The following DDAH1 variants were observed in gnomAD, a reference collection of about 807,000 sequenced individuals.
DDAH1 encodes the protein dimethylarginine dimethylaminohydrolase 1.
DDAH1 carries 19 observed loss-of-function variants against 28.8 expected under a neutral mutation model. The ratio of observed to expected loss-of-function variants is 0.66; its 90% confidence interval spans 0.46 to 0.97. DDAH1 has a LOEUF of 0.97. DDAH1 is among the 50% of genes least tolerant of loss of function. The pLI, the probability that DDAH1 is intolerant of heterozygous loss-of-function variation, is 0.00. For missense variants in DDAH1, 326 were observed against 375.9 expected (o/e 0.87, Z 1.10); for synonymous variants, 153 against 154.4 (o/e 0.99, Z 0.07).
At chr1:85,331,050 G>A (rs149909541) in intron 4 of DDAH1, among the ~76,000 whole-genome samples, 1 of 152,330 alleles carries the variant, frequency 6.6e-6, no homozygotes, top group Non-Finnish European at 1.5e-5. Context: ...CTGCTGGTTG[G>A]AGGAATTGGC....
At chr1:85,391,879 A>G (rs968066572) in intron 1 of DDAH1, among the ~76,000 whole-genome samples, 1 of 152,198 alleles carries the variant, frequency 6.6e-6, no homozygotes, top group African/African-American at 2.4e-5. Flanking sequence ...CAGGCTGTCT[A>G]CCCTCTGATA....
At chr1:85,555,588 A>G (rs1229964709) in intron 1 of DDAH1, among the ~76,000 whole-genome samples, 1 of 152,212 alleles carries the variant, frequency 6.6e-6, no homozygotes, top group Admixed American at 6.5e-5. Flanking sequence ...TATCTAAGAT[A>G]TAAATTTCTT....
chr1:85,473,954 A>G (rs186544002), intron 2 of DDAH1, among the ~76,000 whole-genome samples: 53 of 152,242 alleles, frequency 3.5e-4, no homozygotes, highest in Admixed American at 1.6e-3. Context: ...AACTACCTAA[A>G]AGACATCCGT....
At chr1:85,501,702 G>A (rs564914309) in intron 1 of DDAH1, among the ~76,000 whole-genome samples, 1 of 152,266 alleles carries the variant, frequency 6.6e-6, no homozygotes, top group South Asian at 2.1e-4. Flanking sequence ...TTCATCTCAT[G>A]TGTTTCCCTT....
rs531816418 is a variant in DDAH1, at chr1:85,391,899, T to C, written c.304-33052A>G. 7.2e-5 allele frequency among the ~76,000 whole-genome samples: 11 copies of C among 152,340 alleles called. No individual in the cohort carries two copies. The East Asian group carries it at 7.7e-4, about 11-fold the overall frequency. On this transcript the variant is annotated intron_variant, in intron 1 of 5. Coordinates refer to ENST00000284031, the MANE Select transcript of DDAH1 (RefSeq NM_012137.4). Reference sequence around the variant, plus strand: ...TGTCTACCCTCTGATAAACTCCACATTGACCACCAGGATTGACAGGCCTTT... The same window carrying C: ...TGTCTACCCTCTGATAAACTCCACACTGACCACCAGGATTGACAGGCCTTT...
intron 1 of DDAH1, among the ~76,000 whole-genome samples, chr1:85,385,444 T>C (rs1452843755): frequency 6.6e-6 from 1 of 152,244 alleles, no homozygotes; most frequent in African/African-American, 2.4e-5. Context: ...AACCTCATTT[T>C]AACACATATT....
At chr1:85,480,614 A>G (rs1309853820) in intron 2 of DDAH1, among the ~76,000 whole-genome samples, 1 of 152,114 alleles carries the variant, frequency 6.6e-6, no homozygotes, top group Non-Finnish European at 1.5e-5. Flanking sequence ...GTGTGGTGGC[A>G]GGCACTTGTA....
chr1:85,563,219 C>A (rs918971306), intron 1 of DDAH1, among the ~76,000 whole-genome samples: 28 of 152,246 alleles, frequency 1.8e-4, no homozygotes, highest in African/African-American at 6.3e-4. Context: ...AAGAGCTACA[C>A]AAAGAGAGCT....
chr1:85,446,201 CTGTTCAACA>C (rs985120339), intron 1 of DDAH1, among the ~76,000 whole-genome samples: 17 of 152,148 alleles, frequency 1.1e-4, no homozygotes, highest in African/African-American at 3.6e-4. Flanking sequence ...AATTGACTCA[CTGTTCAACA>C]TGGCTAGGGA....
At chr1:85,342,467 AATG>A (rs1239341643) in intron 4 of DDAH1, among the ~76,000 whole-genome samples, 2 of 152,118 alleles carry the variant, frequency 1.3e-5, no homozygotes, top group East Asian at 1.9e-4. Flanking sequence ...GTTCTCAGAA[AATG>A]ATAACATTAG....
chr1:85,386,471 A>G (rs565192505), intron 1 of DDAH1, among the ~76,000 whole-genome samples: 2 of 152,338 alleles, frequency 1.3e-5, no homozygotes, highest in African/African-American at 2.4e-5. Context: ...CCTTGACTCT[A>G]TGTCCCACAT....
intron 1 of DDAH1, among the ~76,000 whole-genome samples, chr1:85,547,118 G>A (rs759125836): frequency 3.9e-5 from 6 of 152,102 alleles, no homozygotes; most frequent in Non-Finnish European, 7.4e-5. Flanking sequence ...GAAAGAGGCC[G>A]GAGTGGAGAA....
chr1:85,574,529 T>C (rs1198549906), intron 1 of DDAH1, among the ~76,000 whole-genome samples: 1 of 152,210 alleles, frequency 6.6e-6, no homozygotes, highest in African/African-American at 2.4e-5. Flanking sequence ...GTTCATCCTT[T>C]CAGCCCCAGA....
intron 1 of DDAH1, among the ~76,000 whole-genome samples, chr1:85,449,554 A>T (rs1654575007): frequency 6.6e-6 from 1 of 152,142 alleles, no homozygotes; most frequent in African/African-American, 2.4e-5. Context: ...CAGGGCTTGG[A>T]AGGGGGCCAA....
At chr1:85,405,962 A>T (rs956269144) in intron 1 of DDAH1, among the ~76,000 whole-genome samples, 2 of 152,236 alleles carry the variant, frequency 1.3e-5, no homozygotes, top group Non-Finnish European at 2.9e-5. Context: ...GCACACGGAT[A>T]TTAGCCTCCA....
chr1:85,419,562 T>TAAAAA (rs1653043048), intron 1 of DDAH1, among the ~76,000 whole-genome samples: 1 of 47,394 alleles, frequency 2.1e-5, no homozygotes. Flanking sequence ...AAAAAAAAAG[T>TAAAAA]CTGGGTAACA....
intron 1 of DDAH1, among the ~76,000 whole-genome samples, chr1:85,460,143 A>G (rs1266378137): frequency 1.3e-5 from 2 of 152,240 alleles, no homozygotes; most frequent in Admixed American, 1.3e-4. Context: ...CACACATTCA[A>G]AAACTTGGCA....
chr1:85,328,668 C>T (rs917955019), intron 4 of DDAH1, among the ~76,000 whole-genome samples: 1 of 152,226 alleles, frequency 6.6e-6, no homozygotes, highest in South Asian at 2.1e-4. Context: ...GGAGGCAGTT[C>T]TCTGAGCCAG....
chr1:85,407,904 TCTC>T (rs1300861506), intron 1 of DDAH1, among the ~76,000 whole-genome samples: 5 of 152,196 alleles, frequency 3.3e-5, no homozygotes, highest in African/African-American at 9.6e-5. Flanking sequence ...CTATCATTTG[TCTC>T]CTCAACATCC....
Sources: gnomAD v4.1 joint callset for allele counts (sites outside exome capture counted in the v4.1 genomes callset) on GRCh38, gnomAD v4.1.1 for gene constraint, MANE v1.5 for transcripts, NCBI Gene and HGNC (gene_info 2026-07-23, HGNC 2026-07-21) for gene names.